Variants in LRBA observed in about 807,000 individuals in gnomAD.
LRBA encodes LPS responsive beige-like anchor protein, also known as lipopolysaccharide-responsive and beige-like anchor protein.
Under a neutral mutation model 330.0 loss-of-function variants are expected in LRBA, and 176 were observed. That is an observed-to-expected ratio of 0.53 (90% confidence interval 0.47 to 0.60). The LOEUF (loss-of-function observed/expected upper bound fraction) is 0.60, where lower values mean the gene tolerates loss of function less well. Among genes scored for constraint, LRBA ranks in the 20% least tolerant of loss-of-function variants. The pLI is 0.00. For synonymous variants in LRBA, 1,230 were observed against 1,193.0 expected, an observed-to-expected ratio of 1.03 and a Z score of -0.64; for missense variants, 3,259 against 3,444.8, an observed-to-expected ratio of 0.95 and a Z score of 1.35.
rs192171424 is a variant in LRBA, at chr4:150,849,685, T to C, written c.4005-110A>G. On this transcript the variant is annotated intron_variant, in intron 24 of 56. Coordinates refer to ENST00000651943, the MANE Select transcript of LRBA (RefSeq NM_001364905.1). ...GGTGCTTTTGCTTCATCTTGAAAACTGAAGGAAGATGATGCAGCAGGCATT... is the reference window on the plus strand; with the variant it reads ...GGTGCTTTTGCTTCATCTTGAAAACCGAAGGAAGATGATGCAGCAGGCATT... The C allele has an allele frequency of 3.8e-5, 30 of 784,516 alleles. No individual in the cohort carries two copies. The African/African-American group carries it at 5.0e-4, about 13-fold the overall frequency. The allele number at this position is 784,516 out of a possible 1,614,324, so 48.6% of individuals were successfully genotyped here. A position where few individuals can be genotyped will look rare whatever the true frequency, so the allele number is the denominator to read the frequency against.
chr4:150,926,069 G>A (rs1006754800), intron 4 of LRBA, among the ~76,000 whole-genome samples: 4 of 152,146 alleles, frequency 2.6e-5, no homozygotes, highest in Admixed American at 2.6e-4. Flanking sequence ...GAAAGAAAGT[G>A]GAGTCCACAG....
intron 2 of LRBA, among the ~76,000 whole-genome samples, chr4:150,931,912 T>C (rs573677844): frequency 6.6e-6 from 1 of 152,102 alleles, no homozygotes; most frequent in East Asian, 1.9e-4. Context: ...ATAAAACTTA[T>C]AAAAGCACTA....
At chr4:150,698,898 T>A (rs1472683503) in intron 36 of LRBA, among the ~76,000 whole-genome samples, 3 of 152,116 alleles carry the variant, frequency 2.0e-5, no homozygotes, top group Non-Finnish European at 2.9e-5. Context: ...GTAAAACACA[T>A]CATGGAAGAA....
chr4:150,628,238 C>T (rs1299798187), intron 37 of LRBA, among the ~76,000 whole-genome samples: 1 of 152,126 alleles, frequency 6.6e-6, no homozygotes. Flanking sequence ...TTTGATAGCA[C>T]TCCTATTTCA....
chr4:150,735,482 A>G (rs952976792), intron 35 of LRBA, 116 bp from the exon 36 acceptor site: 7 of 703,184 alleles, frequency 1.0e-5, no homozygotes, highest in Admixed American at 2.1e-5. Context: ...GACATCATAC[A>G]CAATGAGGTA....
intron 47 of LRBA, among the ~76,000 whole-genome samples, chr4:150,367,917 A>G (rs905635107): frequency 6.6e-6 from 1 of 152,232 alleles, no homozygotes; most frequent in Non-Finnish European, 1.5e-5. Context: ...GATTGTCAAT[A>G]TAATCCCTAA....
intron 48 of LRBA, among the ~76,000 whole-genome samples, chr4:150,340,620 C>A (rs544535233): frequency 1.7e-4 from 26 of 152,270 alleles, no homozygotes; most frequent in Non-Finnish European, 7.4e-5. Context: ...CAGGTGTGAA[C>A]CACTGTGCCC....
At chr4:150,322,709 G>A (rs572577925) in intron 49 of LRBA, among the ~76,000 whole-genome samples, 155 of 152,162 alleles carry the variant, frequency 1.0e-3, no homozygotes, top group Non-Finnish European at 1.9e-3. Flanking sequence ...TAAGCTACCC[G>A]GACACCCTTC....
chr4:150,955,019 T>C (rs1737384573), intron 2 of LRBA, among the ~76,000 whole-genome samples: 1 of 148,984 alleles, frequency 6.7e-6, no homozygotes, highest in Non-Finnish European at 1.5e-5. Flanking sequence ...CTCACACCTG[T>C]AATCCCAGCA....
intron 37 of LRBA, among the ~76,000 whole-genome samples, chr4:150,619,697 A>G (rs1331069321): frequency 2.6e-5 from 4 of 152,130 alleles, no homozygotes; most frequent in Non-Finnish European, 2.9e-5. Context: ...AGGCTCCACA[A>G]CTGAGGGCAG....
intron 31 of LRBA, among the ~76,000 whole-genome samples, chr4:150,810,711 C>T (rs980865441): frequency 6.6e-6 from 1 of 152,144 alleles, no homozygotes; most frequent in Non-Finnish European, 1.5e-5. Flanking sequence ...AAGCCGTCTT[C>T]CTGCCTCAGC....
At chr4:150,598,887 T>C in intron 38 of LRBA, 120 bp downstream of exon 38, 3 of 1,192,048 alleles carry the variant, frequency 2.5e-6, no homozygotes, top group Non-Finnish European at 3.5e-6. Context: ...CTTTCTGGTA[T>C]GAACAACCAT....
chr4:150,647,352 C>CTTTTTTTTTTTT (rs769403201), intron 37 of LRBA, among the ~76,000 whole-genome samples: 4 of 79,828 alleles, frequency 5.0e-5, no homozygotes, highest in Non-Finnish European at 8.8e-5. Flanking sequence ...ATTACTTTTT[C>CTTTTTTTTTTTT]TTTTTTTTTT....
rs758955071 is a variant in LRBA at position 150,605,770 on chromosome 4, C to CTATG, written c.5922-6643_5922-6640dup. Among the ~76,000 whole-genome samples, 51 of 152,094 alleles carry CTATG rather than the reference C, an allele frequency of 3.4e-4. 1 individual carries two copies. Among genetic ancestry groups the CTATG allele is most frequent in the Non-Finnish European group, 5.7e-4 (39 of 67,996 alleles). Reference sequence around the variant, plus strand: ...AATGCTTTACCTCACAAACTGAAATCTATGGTGCCTTCATGCAAATAAAAA... The same window carrying CTATG: ...AATGCTTTACCTCACAAACTGAAATCTATGTATGGTGCCTTCATGCAAATAAAAA... On this transcript the variant is annotated intron_variant, in intron 37 of 56. Transcript: ENST00000651943.
intron 40 of LRBA, chr4:150,581,997 C>A (rs1352889742): frequency 4.5e-5 from 5 of 111,258 alleles, no homozygotes; most frequent in Non-Finnish European, 8.4e-5. Context: ...AGAGCGAGCA[C>A]GAGGAAGGGG....
At chr4:150,985,860 C>A (rs1561094700) in intron 2 of LRBA, among the ~76,000 whole-genome samples, 1 of 152,088 alleles carries the variant, frequency 6.6e-6, no homozygotes, top group Non-Finnish European at 1.5e-5. Flanking sequence ...AAATAAAATA[C>A]CTAAGAATGA....
At chr4:150,635,002 C>T (rs757358978) in intron 37 of LRBA, among the ~76,000 whole-genome samples, 3 of 152,134 alleles carry the variant, frequency 2.0e-5, no homozygotes, top group African/African-American at 4.8e-5. Context: ...TCTGCCTAAG[C>T]GGGGGATTTA....
chr4:150,869,360 G>T (rs1229943704), intron 20 of LRBA, among the ~76,000 whole-genome samples: 1 of 152,146 alleles, frequency 6.6e-6, no homozygotes, highest in African/African-American at 2.4e-5. Flanking sequence ...CTATTGTAAT[G>T]GTCTTAGCAT....
intron 31 of LRBA, among the ~76,000 whole-genome samples, chr4:150,816,101 T>C (rs1396991088): frequency 1.3e-5 from 2 of 151,800 alleles, no homozygotes; most frequent in Non-Finnish European, 2.9e-5. Context: ...AATATCAAGT[T>C]TGGAACAAAA....
Sources: allele counts gnomAD v4.1 joint callset (sites outside exome capture counted in the v4.1 genomes callset), GRCh38; gene constraint gnomAD v4.1.1; transcripts MANE v1.5; gene names NCBI Gene and HGNC (gene_info 2026-07-23, HGNC 2026-07-21).